TRAPPC3: variants seen among roughly 807,000 people sequenced by gnomAD.
TRAPPC3 encodes trafficking protein particle complex subunit 3.
A neutral mutation model predicts 18.2 loss-of-function variants in TRAPPC3; 5 were observed. The observed-to-expected ratio is 0.28, with a 90% CI of 0.14 to 0.58. TRAPPC3 has a LOEUF of 0.58. Ranked by LOEUF, TRAPPC3 falls within the 20% of genes least tolerant of loss-of-function variation. TRAPPC3 has a pLI of 0.91. For synonymous variants in TRAPPC3, 65 were observed against 84.2 expected (o/e 0.77, Z 1.25); for missense variants, 176 against 225.9 (o/e 0.78, Z 1.41).
At chr1:36,143,577 A>C (rs1644148347) in intron 1 of TRAPPC3, among the ~76,000 whole-genome samples, 3 of 152,366 alleles carry the variant, frequency 2.0e-5, no homozygotes. Context: ...AAGGTCAACC[A>C]GCCCAATCTC....
chr1:36,140,195 C>T (rs889793699), intron 1 of TRAPPC3, 29 bp from the exon 2 acceptor site: 1 of 1,450,954 alleles, frequency 6.9e-7, no homozygotes, highest in Non-Finnish European at 9.3e-7. Flanking sequence ...GCAGTCAGGA[C>T]CAAGCAGCAC....
rs182961278 is a variant in TRAPPC3, at chr1:36,141,322, A to T, written c.43-1156T>A. Among the ~76,000 whole-genome samples, 92 of 152,284 alleles carry T rather than the reference A, an allele frequency of 6.0e-4. No individual in the cohort carries two copies. In the East Asian group the frequency reaches 9.1e-3, roughly 15 times the overall value. ...ACAGCACATCTGGACCAATGAATTA[A>T]CTCAGAAATAAGGCTGAAAAATCAG... On this transcript the variant is annotated intron_variant, in intron 1 of 4. Coordinates refer to ENST00000373166, the MANE Select transcript of TRAPPC3 (RefSeq NM_014408.5).
chr1:36,146,164 C>T (rs549051500), intron 1 of TRAPPC3, among the ~76,000 whole-genome samples: 142 of 152,136 alleles, frequency 9.3e-4, no homozygotes, highest in South Asian at 4.4e-3. Flanking sequence ...CTGCAACCTC[C>T]ACCTCCCGGG....
chr1:36,147,007 G>A (rs971933665), intron 1 of TRAPPC3, among the ~76,000 whole-genome samples: 4 of 152,228 alleles, frequency 2.6e-5, no homozygotes, highest in Non-Finnish European at 5.9e-5. Context: ...CTCCTGCTAT[G>A]TGGAGTGTAC....
At chr1:36,138,193 G>T (rs755655869) in intron 3 of TRAPPC3, 1 of 1,549,520 alleles carries the variant, frequency 6.5e-7, no homozygotes, top group Non-Finnish European at 8.7e-7. Flanking sequence ...TTTGCCTGTC[G>T]CTTTGTTTTG....
intron 1 of TRAPPC3, among the ~76,000 whole-genome samples, chr1:36,144,748 G>C (rs151057035): frequency 1.3e-5 from 2 of 152,300 alleles, no homozygotes; most frequent in African/African-American, 4.8e-5. Flanking sequence ...CTCAAAAAAA[G>C]TAACAGTAAA....
Position 36,137,049 on chromosome 1 carries a change from G to T in TRAPPC3, c.*154C>A, listed in dbSNP as rs542369754. 8.9e-6 allele frequency: 8 copies of T among 900,256 alleles called. No homozygotes were observed. Among genetic ancestry groups the T allele is most frequent in the Admixed American group, 6.7e-5 (3 of 44,512 alleles). 55.8% of individuals were successfully genotyped at this position (900,256 alleles called of 1,614,324 possible). On this transcript the variant is annotated 3_prime_UTR_variant, in exon 5 of 5. Coordinates refer to ENST00000373166, the MANE Select transcript of TRAPPC3 (RefSeq NM_014408.5). ...CATGGGGTAAATGGACTATATCGCAGTCTGCTCTTTATTTGAATGGAGAAT... is the reference window on the plus strand; with the variant it reads ...CATGGGGTAAATGGACTATATCGCATTCTGCTCTTTATTTGAATGGAGAAT...
upstream of TRAPPC3, chr1:36,149,560 C>A (rs1644252351): frequency 1.4e-6 from 1 of 695,800 alleles, no homozygotes. Context: ...GCAACTCCCG[C>A]CCAACAAACG....
upstream of TRAPPC3, among the ~76,000 whole-genome samples, chr1:36,153,693 C>T (rs1420926649): frequency 1.3e-5 from 2 of 152,116 alleles, no homozygotes; most frequent in Admixed American, 6.6e-5. Context: ...CCCCGCCCAC[C>T]GCCGTATGTC....
At position 36,146,767 on chromosome 1, in the gene TRAPPC3, A is replaced by G. The variant is rs201647365; in HGVS notation, c.42+2570T>C. The stretch of plus-strand genomic sequence containing the variant: ...TTTCCACTGCTAGAAGATACACAGT[A>G]TATATGGTATACATTTCTGTCTCCC... On this transcript the variant is annotated intron_variant, in intron 1 of 4. Transcript: ENST00000373166. 0.017 allele frequency among the ~76,000 whole-genome samples: 2,630 copies of G among 152,268 alleles called. 143 individuals carry two copies. In the East Asian group the frequency reaches 0.21, roughly 12 times the overall value.
At chr1:36,153,692 C>A (rs935717668), upstream of TRAPPC3, among the ~76,000 whole-genome samples, 6 of 152,186 alleles carry the variant, frequency 3.9e-5, no homozygotes, top group Non-Finnish European at 8.8e-5. Context: ...CCCCCGCCCA[C>A]CGCCGTATGT....
intron 4 of TRAPPC3, 69 bp downstream of exon 4, chr1:36,137,727 A>C (rs909659421): frequency 1.3e-6 from 2 of 1,487,650 alleles, no homozygotes; most frequent in East Asian, 4.5e-5. Flanking sequence ...TCTCTCTTTC[A>C]TTCATTTAAA....
chr1:36,138,914 T>C (rs76796218), intron 3 of TRAPPC3, among the ~76,000 whole-genome samples: 1 of 151,384 alleles, frequency 6.6e-6, no homozygotes, highest in Admixed American at 6.6e-5. Context: ...TGCATGCCTG[T>C]AATCGCAGCT....
At position 36,143,334 on chromosome 1, in the gene TRAPPC3, T is replaced by G. The variant is rs528176553; in HGVS notation, c.43-3168A>C. 2.0e-5 allele frequency among the ~76,000 whole-genome samples: 3 copies of G among 152,302 alleles called. No homozygotes were observed. In the South Asian group the frequency reaches 6.2e-4, roughly 32 times the overall value. ...TTGGTAAGCCATGAAGATATCTGGA[T>G]AGATAGCTGGTCTAGAAAAAATTCT... On this transcript the variant is annotated intron_variant, in intron 1 of 4. Coordinates refer to ENST00000373166, the MANE Select transcript of TRAPPC3 (RefSeq NM_014408.5).
rs1644250642 is a variant in TRAPPC3 at position 36,149,456 on chromosome 1, T to G, written c.-78A>C. The G allele has an allele frequency of 4.5e-6, 7 of 1,566,332 alleles. No individual in the cohort carries two copies. Among genetic ancestry groups the G allele is most frequent in the Non-Finnish European group, 6.1e-6 (7 of 1,152,110 alleles). On this transcript the variant is annotated 5_prime_UTR_variant, in exon 1 of 5. Coordinates refer to ENST00000373166, the MANE Select transcript of TRAPPC3 (RefSeq NM_014408.5). Reference sequence around the variant, plus strand: ...CTGCAGACGCCGGAGCCTAAGCCGCTGCCCCTCAGCCCACAAGACCGACCG... The same window carrying G: ...CTGCAGACGCCGGAGCCTAAGCCGCGGCCCCTCAGCCCACAAGACCGACCG...
chr1:36,141,829 G>A (rs1273310350), intron 1 of TRAPPC3, among the ~76,000 whole-genome samples: 6 of 151,906 alleles, frequency 3.9e-5, no homozygotes, highest in South Asian at 2.1e-4. Flanking sequence ...GTGGTGGCGC[G>A]TGCCTGTAAT....
intron 1 of TRAPPC3, among the ~76,000 whole-genome samples, chr1:36,141,731 G>A (rs1041981818): frequency 2.6e-5 from 4 of 151,782 alleles, no homozygotes; most frequent in East Asian, 1.9e-4. Flanking sequence ...AGTCCGAGGC[G>A]GGCGGATCAC....
intron 1 of TRAPPC3, among the ~76,000 whole-genome samples, chr1:36,154,594 T>C (rs1001471466): frequency 1.3e-5 from 2 of 151,156 alleles, no homozygotes; most frequent in Non-Finnish European, 2.9e-5. Flanking sequence ...ATAAGATGAC[T>C]GACACAAAGA....
At chr1:36,155,834 C>T (rs1644314747) in intron 1 of TRAPPC3, 1 of 152,342 alleles carries the variant, frequency 6.6e-6, no homozygotes, top group Non-Finnish European at 1.5e-5. Flanking sequence ...GCCCTGCTCC[C>T]CCTCTCCCCC....
Sources: allele counts gnomAD v4.1 joint callset (sites outside exome capture counted in the v4.1 genomes callset), GRCh38; gene constraint gnomAD v4.1.1; transcripts MANE v1.5; gene names NCBI Gene and HGNC (gene_info 2026-07-23, HGNC 2026-07-21).